AZIN2: variants seen among roughly 807,000 people sequenced by gnomAD.
AZIN2 encodes the protein ODC antizyme inhibitor-2.
AZIN2 carries 28 observed loss-of-function variants against 47.8 expected under a neutral mutation model. That is an observed-to-expected ratio of 0.59 (90% CI 0.43 to 0.80). The LOEUF (loss-of-function observed/expected upper bound fraction) is 0.80. Among genes scored for constraint, AZIN2 ranks in the 30% least tolerant of loss-of-function variants. The pLI is 0.00. For synonymous variants in AZIN2, 221 were observed against 239.4 expected (o/e 0.92, Z 0.71); for missense variants, 535 against 582.5 (o/e 0.92, Z 0.84).
chr1:33,087,170 G>C (rs1030015378), intron 5 of AZIN2, among the ~76,000 whole-genome samples: 1 of 146,260 alleles, frequency 6.8e-6, no homozygotes, highest in Non-Finnish European at 1.5e-5. Context: ...TTTCGCTCTT[G>C]TTGCCCAGGC....
In AZIN2 at chr1:33,118,053, T is replaced by C. The variant is rs773030404; in HGVS notation, c.1181T>C (p.Met394Thr). 2.6e-6 allele frequency: 4 copies of C among 1,536,756 alleles called. No individual in the cohort carries two copies. Among genetic ancestry groups the C allele is most frequent in the Admixed American group, 2.1e-5 (1 of 46,698 alleles). Residue 394 changes from methionine (M) to threonine (T), a missense_variant, in exon 11 of 12, where the codon ATG (methionine) becomes ACG (threonine). This residue lies in a region of AZIN2 where 122 missense variants were observed against 135.8 expected (regional missense o/e 0.90). Transcript: ENST00000294517. ...AACATGGGCGCCTACACTGTGGGCA[T>C]GGGTTCCCCCTTTTGGGGGACCCAG... ...FDNMGAYTVG[M>T]GSPFWGTQAC... is the part of the protein sequence containing the mutation.
the AZIN2 span, among the ~76,000 whole-genome samples, chr1:33,138,034 T>G: frequency 6.6e-6 from 1 of 152,248 alleles, no homozygotes; most frequent in Non-Finnish European, 1.5e-5. Flanking sequence ...GCAGGGGGAC[T>G]GCATAACCAT....
chr1:33,088,435 G>C (rs1642176049), intron 5 of AZIN2, among the ~76,000 whole-genome samples: 1 of 152,194 alleles, frequency 6.6e-6, no homozygotes, highest in Non-Finnish European at 1.5e-5. Context: ...GACTGTCACT[G>C]TCTATTCCCC....
the AZIN2 span, chr1:33,146,503 T>A: frequency 3.8e-5 from 6 of 158,614 alleles, no homozygotes; most frequent in Middle Eastern, 3.3e-3. Context: ...CCTCACCCTG[T>A]CCCTCGGCCT....
chr1:33,148,290 A>G, the AZIN2 span, among the ~76,000 whole-genome samples: 1 of 152,252 alleles, frequency 6.6e-6, no homozygotes, highest in Non-Finnish European at 1.5e-5. Flanking sequence ...AATCTTTTTT[A>G]TAAGGATAAG....
chr1:33,156,175 T>C, the AZIN2 span, among the ~76,000 whole-genome samples: 1 of 152,220 alleles, frequency 6.6e-6, no homozygotes, highest in African/African-American at 2.4e-5. Flanking sequence ...TCCTACATCC[T>C]TAATTCTGTC....
the AZIN2 span, chr1:33,159,653 G>T: frequency 6.3e-7 from 1 of 1,582,172 alleles, no homozygotes; most frequent in Non-Finnish European, 8.6e-7. This position sits in a 1 kb window ranked among gnomAD's most constrained non-coding sequence, Gnocchi z 4.2. Context: ...GGAGGGGATG[G>T]TCAGCCGGGG....
chr1:33,160,741 A>T, the AZIN2 span, among the ~76,000 whole-genome samples: 1 of 152,186 alleles, frequency 6.6e-6, no homozygotes, highest in Admixed American at 6.5e-5. Flanking sequence ...CATGGGGCTC[A>T]TTCAGGGGGC....
intron 5 of AZIN2, among the ~76,000 whole-genome samples, chr1:33,084,479 AATAAT>A (rs768985239): frequency 3.6e-5 from 5 of 138,952 alleles, no homozygotes; most frequent in Non-Finnish European, 6.1e-5. Flanking sequence ...TTATAATCAT[AATAAT>A]GTGTGGCGGT....
the AZIN2 span, chr1:33,146,965 TC>T: frequency 1.7e-6 from 1 of 601,178 alleles, no homozygotes; most frequent in Non-Finnish European, 2.9e-6. Flanking sequence ...TGTATCCCTA[TC>T]AAGGTCAGAG....
intron 5 of AZIN2, among the ~76,000 whole-genome samples, chr1:33,090,206 G>A (rs1444393986): frequency 6.6e-6 from 1 of 152,228 alleles, no homozygotes; most frequent in Admixed American, 6.5e-5. Flanking sequence ...GAGAAGTTGT[G>A]ACAGAGACTG....
chr1:33,109,326 T>C (rs1246215578), intron 10 of AZIN2, among the ~76,000 whole-genome samples: 1 of 151,838 alleles, frequency 6.6e-6, no homozygotes, highest in Non-Finnish European at 1.5e-5. Context: ...ATTTTCTTTT[T>C]CTTTTTTTTT....
chr1:33,089,413 T>C (rs749850172), intron 5 of AZIN2, among the ~76,000 whole-genome samples: 1 of 152,040 alleles, frequency 6.6e-6, no homozygotes, highest in South Asian at 2.1e-4. Context: ...GCCTGGGCAA[T>C]GTAGTGAGAC....
the AZIN2 span, chr1:33,147,575 C>G: frequency 5.0e-6 from 8 of 1,613,878 alleles, no homozygotes; most frequent in Non-Finnish European, 5.9e-6. This position sits in a 1 kb window ranked among gnomAD's most constrained non-coding sequence, Gnocchi z 8.1. Flanking sequence ...CTGAAGGCTT[C>G]AGAACCCAGC....
chr1:33,159,557 C>T, the AZIN2 span: 109 of 1,338,408 alleles, frequency 8.1e-5, no homozygotes, highest in East Asian at 1.0e-3. This position sits in a 1 kb window ranked among gnomAD's most constrained non-coding sequence, Gnocchi z 4.2. Context: ...GCAGATGTCC[C>T]GTAAATGTTT....
downstream of AZIN2, among the ~76,000 whole-genome samples, chr1:33,127,883 C>T (rs1428223865): frequency 1.3e-5 from 2 of 152,114 alleles, no homozygotes; most frequent in African/African-American, 2.4e-5. Context: ...TTCAATTAAT[C>T]GACACAGGCC....
At chr1:33,146,073 A>T in the AZIN2 span, 1 of 352,710 alleles carries the variant, frequency 2.8e-6, no homozygotes, top group Non-Finnish European at 5.7e-6. Flanking sequence ...CTTCCTGCAG[A>T]TGGGGGCAGC....
chr1:33,108,749 A>G (rs567240388), intron 10 of AZIN2, among the ~76,000 whole-genome samples: 2 of 152,318 alleles, frequency 1.3e-5, no homozygotes, highest in Admixed American at 1.3e-4. Context: ...ATCTGGGTAT[A>G]CAGCAGTTTA....
chr1:33,144,656 C>T, the AZIN2 span, among the ~76,000 whole-genome samples: 6 of 152,194 alleles, frequency 3.9e-5, no homozygotes, highest in African/African-American at 1.4e-4. Context: ...CTTCTTTAGT[C>T]GACAGTCTTT....
Sources: gnomAD v4.1 joint callset for allele counts (sites outside exome capture counted in the v4.1 genomes callset) on GRCh38, gnomAD v4.1.1 for gene constraint, gnomAD v4.1.1 regional missense constraint, Gnocchi (gnomAD v3.1) non-coding constraint, MANE v1.5 for transcripts, NCBI Gene and HGNC (gene_info 2026-07-23, HGNC 2026-07-21) for gene names.